The following NUDT3 variants were observed in gnomAD, a reference collection of about 807,000 sequenced individuals.
NUDT3 encodes diphosphoinositol polyphosphate phosphohydrolase 1.
In NUDT3, 9 loss-of-function variants were observed where a neutral mutation model predicts 23.6. The ratio of observed to expected loss-of-function variants is 0.38; its 90% CI spans 0.23 to 0.66. The LOEUF (loss-of-function observed/expected upper bound fraction) is 0.66, where lower values mean the gene tolerates loss of function less well. NUDT3 is among the 30% of genes least tolerant of loss of function. NUDT3 has a pLI of 0.52. For synonymous variants in NUDT3, 86 were observed against 82.6 expected, an observed-to-expected ratio of 1.04 and a Z score of -0.22; for missense variants, 172 against 218.5, an observed-to-expected ratio of 0.79 and a Z score of 1.34.
chr6:34,347,111 T>C (rs1330171554), intron 1 of NUDT3, among the ~76,000 whole-genome samples: 1 of 152,164 alleles, frequency 6.6e-6, no homozygotes, highest in African/African-American at 2.4e-5. Context: ...CTCCTTCCTA[T>C]CATATAAAGT....
Position 34,304,657 on chromosome 6 carries a change from C to CA in NUDT3, c.211-8973_211-8972insT, listed in dbSNP as rs1554149681. Among the ~76,000 whole-genome samples the CA allele has an allele frequency of 3.7e-3, 519 of 142,160 alleles. 5 individuals are homozygous for CA. Among genetic ancestry groups the CA allele is most frequent in the Admixed American group, 8.2e-3 (116 of 14,126 alleles). 93.3% of individuals were successfully genotyped at this position (142,160 alleles called of 152,430 possible). On this transcript the variant is annotated intron_variant, in intron 2 of 4. Transcript: ENST00000607016. Reference sequence around the variant, plus strand: ...GTAGGTTTTCAAATTTTTCTTTTTCCTTTTTTTTTTTGTTTTTTTGGAGAA... The same window carrying CA: ...GTAGGTTTTCAAATTTTTCTTTTTCCATTTTTTTTTTTGTTTTTTTGGAGAA...
chr6:34,313,661 C>CT (rs1281418242), intron 2 of NUDT3, among the ~76,000 whole-genome samples: 1 of 150,376 alleles, frequency 6.6e-6, no homozygotes, highest in Non-Finnish European at 1.5e-5. Flanking sequence ...TCTAAAACGG[C>CT]TTAAAAAAAA....
chr6:34,356,116 A>C (rs545227385), intron 1 of NUDT3, among the ~76,000 whole-genome samples: 1 of 152,294 alleles, frequency 6.6e-6, no homozygotes, highest in African/African-American at 2.4e-5. Flanking sequence ...CATCTTAGGA[A>C]CCAGATACTT....
At chr6:34,333,086 C>T (rs1319675279) in intron 2 of NUDT3, among the ~76,000 whole-genome samples, 1 of 152,178 alleles carries the variant, frequency 6.6e-6, no homozygotes, top group Non-Finnish European at 1.5e-5. Flanking sequence ...GTTACTAAAG[C>T]CCATGGCAGG....
chr6:34,350,700 A>AT (rs983740344), intron 1 of NUDT3, among the ~76,000 whole-genome samples: 7 of 150,448 alleles, frequency 4.7e-5, no homozygotes, highest in Middle Eastern at 3.4e-3. Flanking sequence ...ATTTAAAACT[A>AT]TTTTTTTTAG....
At chr6:34,363,859 T>G (rs554393584) in intron 1 of NUDT3, among the ~76,000 whole-genome samples, 1 of 151,706 alleles carries the variant, frequency 6.6e-6, no homozygotes, top group Non-Finnish European at 1.5e-5. Flanking sequence ...TGCAACCTCC[T>G]CCTCCCAGGT....
intron 2 of NUDT3, among the ~76,000 whole-genome samples, chr6:34,312,586 T>C (rs1285405305): frequency 6.6e-6 from 1 of 152,066 alleles, no homozygotes; most frequent in Non-Finnish European, 1.5e-5. Flanking sequence ...CTCCTTGGTG[T>C]TTACCTAAAT....
At chr6:34,347,991 A>C (rs908651339) in intron 1 of NUDT3, among the ~76,000 whole-genome samples, 3 of 151,616 alleles carry the variant, frequency 2.0e-5, no homozygotes, top group African/African-American at 7.3e-5. Flanking sequence ...TAAATAAATA[A>C]ATAAATAAAT....
intron 2 of NUDT3, among the ~76,000 whole-genome samples, chr6:34,325,574 C>A (rs1323713172): frequency 1.3e-5 from 2 of 151,964 alleles, no homozygotes; most frequent in African/African-American, 4.8e-5. Context: ...ATGAGTTTTC[C>A]TAGGAGGGCG....
chr6:34,305,276 G>A (rs1406603613), intron 2 of NUDT3, among the ~76,000 whole-genome samples: 2 of 152,046 alleles, frequency 1.3e-5, no homozygotes, highest in African/African-American at 2.4e-5. Context: ...GAGCCACCAC[G>A]CCCAGCCTGA....
chr6:34,374,107 G>A (rs1056957512), intron 1 of NUDT3, among the ~76,000 whole-genome samples: 4 of 142,614 alleles, frequency 2.8e-5, no homozygotes, highest in East Asian at 2.1e-4. Context: ...CAGCAAGCCC[G>A]GATCATGCCA....
At chr6:34,290,549 A>G (rs1363727285) in intron 4 of NUDT3, among the ~76,000 whole-genome samples, 2 of 150,710 alleles carry the variant, frequency 1.3e-5, no homozygotes, top group Non-Finnish European at 2.9e-5. Context: ...TAAGCAATCT[A>G]TATTATGAAA....
At chr6:34,358,034 T>C (rs540579306) in intron 1 of NUDT3, among the ~76,000 whole-genome samples, 2 of 152,290 alleles carry the variant, frequency 1.3e-5, no homozygotes, top group Admixed American at 6.5e-5. Context: ...GTTGTTCCTA[T>C]ATGCATTGAA....
chr6:34,319,232 C>A (rs1345037716), intron 2 of NUDT3, among the ~76,000 whole-genome samples: 2 of 152,116 alleles, frequency 1.3e-5, no homozygotes, highest in East Asian at 3.9e-4. Context: ...TGTCATCCAA[C>A]TCAATTCTGA....
At chr6:34,332,563 CCT>C (rs1337120552) in intron 2 of NUDT3, among the ~76,000 whole-genome samples, 2 of 152,138 alleles carry the variant, frequency 1.3e-5, no homozygotes, top group Non-Finnish European at 2.9e-5. Context: ...AGTTCAATCC[CCT>C]GTTGTTTAAG....
At chr6:34,293,749 T>C (rs1034547422) in intron 3 of NUDT3, among the ~76,000 whole-genome samples, 5 of 152,204 alleles carry the variant, frequency 3.3e-5, no homozygotes, top group Admixed American at 3.3e-4. Context: ...TAAAACCAAG[T>C]AATTATATTG....
chr6:34,291,906 T>C (rs1403543043), intron 4 of NUDT3, among the ~76,000 whole-genome samples: 1 of 152,200 alleles, frequency 6.6e-6, no homozygotes, highest in African/African-American at 2.4e-5. Context: ...ACATTTAAGA[T>C]GCAAATTTTA....
At chr6:34,352,590 C>G (rs1764494702) in intron 1 of NUDT3, among the ~76,000 whole-genome samples, 1 of 152,158 alleles carries the variant, frequency 6.6e-6, no homozygotes, top group African/African-American at 2.4e-5. Context: ...CATCAATATG[C>G]TGATTTTGCC....
At chr6:34,346,913 G>C (rs1764380043) in intron 1 of NUDT3, among the ~76,000 whole-genome samples, 1 of 152,082 alleles carries the variant, frequency 6.6e-6, no homozygotes, top group African/African-American at 2.4e-5. Flanking sequence ...ACACCACCAT[G>C]CTCGGCTAAT....
Sources: gnomAD v4.1 joint callset for allele counts (sites outside exome capture counted in the v4.1 genomes callset) on GRCh38, gnomAD v4.1.1 for gene constraint, MANE v1.5 for transcripts, NCBI Gene and HGNC (gene_info 2026-07-23, HGNC 2026-07-21) for gene names.